The following SENP2 variants were observed in gnomAD, a reference collection of about 807,000 sequenced individuals.
SENP2 encodes the protein sentrin-specific protease 2.
SENP2 carries 16 observed loss-of-function variants against 86.3 expected under a neutral mutation model. The observed-to-expected ratio is 0.19, with a 90% CI of 0.13 to 0.28. The LOEUF is 0.28. SENP2 is among the 10% of genes least tolerant of loss of function. The pLI is 1.00. For synonymous variants in SENP2, 222 were observed against 238.7 expected (o/e 0.93, Z 0.64); for missense variants, 552 against 703.0 (o/e 0.79, Z 2.43).
At chr3:185,618,532 A>G (rs954157267) in intron 12 of SENP2, among the ~76,000 whole-genome samples, 8 of 152,196 alleles carry the variant, frequency 5.3e-5, no homozygotes, top group Admixed American at 5.2e-4. Flanking sequence ...TAATTTGTTT[A>G]TCGTAGAATA....
Position 185,630,069 on chromosome 3 carries a change from T to A in SENP2, c.*225T>A. 2.1e-6 allele frequency: 1 copy of A among 474,044 alleles called. No homozygotes were observed. 29.4% of individuals were successfully genotyped at this position (474,044 alleles called of 1,614,324 possible). ...GCTGTGCCTGCTCAGAGCTTTGGAC[T>A]GTTCAACCCACACAAGAACAAACGC... On this transcript the variant is annotated 3_prime_UTR_variant, in exon 17 of 17. Coordinates refer to ENST00000296257, the MANE Select transcript of SENP2 (RefSeq NM_021627.3).
chr3:185,598,634 T>C, intron 3 of SENP2, 89 bp downstream of exon 3: 1 of 1,312,654 alleles, frequency 7.6e-7, no homozygotes, highest in Non-Finnish European at 1.0e-6. Flanking sequence ...AGTTAATGTG[T>C]ATAATTACTT....
chr3:185,633,394 TACTA>T lies in SENP2; in HGVS notation c.*3554_*3557del, dbSNP rs1311745249. ...GATATTCAAACAAACTTATGGTACT[TACTA>T]ACTCATTTGTAAATTGGCGATGTAG... On this transcript the variant is annotated 3_prime_UTR_variant, in exon 17 of 17. Transcript: ENST00000296257. 7.7e-6 allele frequency: 1 copy of T among 129,546 alleles called. No homozygotes were observed. The highest frequency in any genetic ancestry group is 1.7e-5 in the Non-Finnish European group (1 of 59,738). 8.0% of individuals were successfully genotyped at this position (129,546 alleles called of 1,614,324 possible).
intron 10 of SENP2, 31 bp from the exon 11 acceptor site, chr3:185,614,533 G>A: frequency 6.4e-7 from 1 of 1,570,400 alleles, no homozygotes; most frequent in South Asian, 1.1e-5. Context: ...TATCAAACAT[G>A]TCAGTAGAAT....
chr3:185,632,875 G>T lies in SENP2; in HGVS notation c.*3031G>T, dbSNP rs1712551958. The T allele has an allele frequency of 6.6e-6, 1 of 152,222 alleles. No individual in the cohort carries two copies. The highest frequency in any genetic ancestry group is 2.4e-5 in the African/African-American group (1 of 41,464). 9.4% of individuals were successfully genotyped at this position (152,222 alleles called of 1,614,324 possible). ...AGGGGGTTGAGAAAAGATGCAGTGA[G>T]CCATTATTCTCCTTTAGCAGGTAGT... On this transcript the variant is annotated 3_prime_UTR_variant, in exon 17 of 17. Coordinates refer to ENST00000296257, the MANE Select transcript of SENP2 (RefSeq NM_021627.3).
At chr3:185,597,373 G>GA (rs1277396253) in intron 2 of SENP2, among the ~76,000 whole-genome samples, 1 of 152,048 alleles carries the variant, frequency 6.6e-6, no homozygotes, top group Non-Finnish European at 1.5e-5. Context: ...TTTATTTTGA[G>GA]ATGGAGTCTC....
At chr3:185,617,453 T>C (rs1163434261) in intron 11 of SENP2, 27 bp from the exon 12 acceptor site, 1 of 1,579,524 alleles carries the variant, frequency 6.3e-7, no homozygotes, top group Non-Finnish European at 8.6e-7. Context: ...TATATTAAAA[T>C]AGCAACTTCT....
intron 15 of SENP2, among the ~76,000 whole-genome samples, chr3:185,625,344 C>T (rs1375711787): frequency 1.3e-5 from 2 of 152,134 alleles, no homozygotes; most frequent in Admixed American, 1.3e-4. Flanking sequence ...ATCTCCTGAC[C>T]TCGTGATCCG....
In SENP2 at chr3:185,598,527, T is replaced by C; in HGVS notation, c.273T>C (p.Asn91=). 2 of 1,614,048 alleles carry C rather than the reference T, an allele frequency of 1.2e-6. No individual in the cohort carries two copies. Among genetic ancestry groups the C allele is most frequent in the East Asian group, 4.5e-5 (2 of 44,866 alleles). ...CTTCTGCTTGTAATGGAACACGGAA[T>C]GTGGCCCCTTCAGGAGAGGTCAGTG... ...MVTSACNGTR[N]VAPSGEVFSN... The change falls in exon 3 of 17, where the codon AAT becomes AAC. Residue 91 remains asparagine (N), a synonymous_variant. Coordinates refer to ENST00000296257, the MANE Select transcript of SENP2 (RefSeq NM_021627.3).
At chr3:185,592,156 G>A (rs901896901) in intron 2 of SENP2, among the ~76,000 whole-genome samples, 3 of 150,946 alleles carry the variant, frequency 2.0e-5, no homozygotes, top group Non-Finnish European at 2.9e-5. Flanking sequence ...GTAGCTCACT[G>A]CAGTCTCAAA....
chr3:185,633,483 A>G lies in SENP2; in HGVS notation c.*3639A>G, dbSNP rs1396642368. 1 of 152,190 alleles carries G rather than the reference A, an allele frequency of 6.6e-6. No homozygotes were observed. The highest frequency in any genetic ancestry group is 6.6e-5 in the Admixed American group (1 of 15,264). The allele number at this position is 152,190 out of a possible 1,614,324, so 9.4% of individuals were successfully genotyped here. ...TTAATTTACCTAATATATATAAGGA[A>G]GGGGTTTGGATATATTAAAATAGGT... On this transcript the variant is annotated 3_prime_UTR_variant, in exon 17 of 17. Transcript: ENST00000296257.
chr3:185,593,883 T>C (rs974045765), intron 2 of SENP2, among the ~76,000 whole-genome samples: 3 of 151,818 alleles, frequency 2.0e-5, no homozygotes, highest in African/African-American at 7.3e-5. Flanking sequence ...CGCCCACCAC[T>C]ATGCCCGGCT....
intron 16 of SENP2, among the ~76,000 whole-genome samples, chr3:185,628,769 G>A (rs1271864161): frequency 6.6e-6 from 1 of 152,196 alleles, no homozygotes; most frequent in Non-Finnish European, 1.5e-5. Flanking sequence ...GCCTCCCAAA[G>A]TGCTGGGATT....
chr3:185,614,706 A>G lies in SENP2; in HGVS notation c.1076A>G (p.Asp359Gly). ...AAGAATTGCTCAGGCAAAGAGAGGG[A>G]CAGAAGAACGGACGATCTCCTTGAA... is the stretch of plus-strand genomic sequence containing the variant. ...KEKNCSGKER[D>G]RRTDDLLELT... Residue 359 changes from aspartate (D) to glycine (G), a missense_variant, in exon 11 of 17, where the codon GAC (aspartate) becomes GGC (glycine). Asp to Gly is a moderately conservative substitution (Grantham distance 94, BLOSUM62 -1). Coordinates refer to ENST00000296257, the MANE Select transcript of SENP2 (RefSeq NM_021627.3). 6.2e-7 allele frequency: 1 copy of G among 1,614,202 alleles called. No homozygotes were observed. Among genetic ancestry groups the G allele is most frequent in the South Asian group, 1.1e-5 (1 of 91,084 alleles).
chr3:185,623,696 G>A (rs1228387410), intron 14 of SENP2, among the ~76,000 whole-genome samples: 5 of 151,662 alleles, frequency 3.3e-5, no homozygotes, highest in African/African-American at 1.2e-4. Context: ...GCGTGGTGGC[G>A]TGCTCCTGTG....
rs1432105308 is a variant in SENP2, at chr3:185,600,869, T to G, written c.449+14T>G. On this transcript the variant is annotated intron_variant, in intron 5 of 16. Transcript: ENST00000296257. ...GCCTTCCTTTGGGTAAGTGTTAAAT[T>G]CTTTCTGTAAATGGAAACTTAGCAT... The G allele has an allele frequency of 2.6e-6, 4 of 1,565,216 alleles. No homozygotes were observed. Among genetic ancestry groups the G allele is most frequent in the Non-Finnish European group, 3.5e-6 (4 of 1,137,290 alleles).
chr3:185,589,964 C>A, intron 1 of SENP2, 150 bp from the exon 2 acceptor site: 1 of 421,834 alleles, frequency 2.4e-6, no homozygotes. Context: ...CACTGTGTCC[C>A]ACCAGCATTC....
intron 9 of SENP2, among the ~76,000 whole-genome samples, 171 bp downstream of exon 9, chr3:185,612,829 A>T (rs932095137): frequency 6.6e-6 from 1 of 152,232 alleles, no homozygotes; most frequent in African/African-American, 2.4e-5. Flanking sequence ...TGCCCACCCT[A>T]GCCTGGTGGG....
At chr3:185,587,584 T>TTTTTTTA (rs1560186545) in intron 1 of SENP2, among the ~76,000 whole-genome samples, 1 of 149,576 alleles carries the variant, frequency 6.7e-6, no homozygotes, top group African/African-American at 2.5e-5. Flanking sequence ...TTTTTTTTTT[T>TTTTTTTA]GAGAAGGAGT....
Sources: allele counts gnomAD v4.1 joint callset (sites outside exome capture counted in the v4.1 genomes callset), GRCh38; gene constraint gnomAD v4.1.1; transcripts MANE v1.5; gene names NCBI Gene and HGNC (gene_info 2026-07-23, HGNC 2026-07-21).